The following PNPT1 variants were observed in gnomAD, a reference collection of about 807,000 sequenced individuals.
PNPT1 encodes the protein polyribonucleotide nucleotidyltransferase 1, mitochondrial.
PNPT1 carries 53 observed loss-of-function variants against 119.5 expected under a neutral mutation model. That is an observed-to-expected ratio of 0.44 (90% confidence interval 0.36 to 0.56). The LOEUF is 0.56. Among genes scored for constraint, PNPT1 ranks in the 20% least tolerant of loss-of-function variants. The pLI, the probability that PNPT1 is intolerant of heterozygous loss-of-function variation, is 0.00. For missense variants in PNPT1, 948 were observed against 938.5 expected (o/e 1.01, Z -0.13); for synonymous variants, 357 against 322.1 (o/e 1.11, Z -1.16).
chr2:55,686,287 C>T (rs542272588), intron 3 of PNPT1, 83 bp downstream of exon 3: 2 of 1,289,292 alleles, frequency 1.6e-6, no homozygotes, highest in East Asian at 2.4e-5. Flanking sequence ...ATTTTCCACT[C>T]ACTAGACACT....
At chr2:55,670,427 C>A (rs1048014569) in intron 11 of PNPT1, among the ~76,000 whole-genome samples, 1 of 152,014 alleles carries the variant, frequency 6.6e-6, no homozygotes, top group African/African-American at 2.4e-5. Context: ...ACCTCGTGAT[C>A]TGTCTGCCTC....
At chr2:55,662,382 TA>T (rs972043340) in intron 13 of PNPT1, among the ~76,000 whole-genome samples, 1 of 151,182 alleles carries the variant, frequency 6.6e-6, no homozygotes, top group African/African-American at 2.4e-5. Flanking sequence ...TGCTTAAAAT[TA>T]AAAAAAAATC....
At chr2:55,678,445 T>C (rs993007060) in intron 8 of PNPT1, among the ~76,000 whole-genome samples, 1 of 152,246 alleles carries the variant, frequency 6.6e-6, no homozygotes, top group Admixed American at 6.5e-5. Context: ...GAGGTGTAAA[T>C]AGAAACTACT....
intron 1 of PNPT1, among the ~76,000 whole-genome samples, chr2:55,691,008 C>T (rs767474254): frequency 2.0e-5 from 3 of 152,214 alleles, no homozygotes; most frequent in Non-Finnish European, 2.9e-5. Context: ...TAACATGCCA[C>T]CAGTACTTCT....
At chr2:55,670,972 A>T (rs201019838) in intron 11 of PNPT1, among the ~76,000 whole-genome samples, 1 of 1,802 alleles carries the variant, frequency 5.5e-4, no homozygotes, top group African/African-American at 0.02. Context: ...ACTAAAGTTA[A>T]AAAAAAAAAA....
intron 13 of PNPT1, among the ~76,000 whole-genome samples, chr2:55,666,192 G>A (rs1171225188): frequency 3.3e-5 from 5 of 152,198 alleles, no homozygotes; most frequent in African/African-American, 1.2e-4. Flanking sequence ...GTGGGGGGCA[G>A]GAAGAAGGCA....
chr2:55,649,490 C>T (rs1696106760), intron 18 of PNPT1, among the ~76,000 whole-genome samples: 1 of 152,078 alleles, frequency 6.6e-6, no homozygotes, highest in African/African-American at 2.4e-5. Flanking sequence ...TATTAAAATA[C>T]CTATTGTAAC....
chr2:55,682,733 C>G (rs1323630316), intron 5 of PNPT1, among the ~76,000 whole-genome samples: 3 of 151,876 alleles, frequency 2.0e-5, no homozygotes, highest in Non-Finnish European at 2.9e-5. Context: ...CATAGTGAAA[C>G]CCCCTCTCTA....
chr2:55,678,253 T>C (rs954556875), intron 8 of PNPT1, among the ~76,000 whole-genome samples: 3 of 152,188 alleles, frequency 2.0e-5, no homozygotes, highest in Non-Finnish European at 4.4e-5. Context: ...GGCTCCGAGA[T>C]GCTCAAACAT....
chr2:55,646,604 C>A (rs1696012621), intron 19 of PNPT1, 118 bp from the exon 20 acceptor site: 1 of 725,396 alleles, frequency 1.4e-6, no homozygotes, highest in East Asian at 2.8e-5. Flanking sequence ...AGTCCAAACA[C>A]AAAGCAATGT....
intron 5 of PNPT1, among the ~76,000 whole-genome samples, chr2:55,681,565 C>T (rs1427443823): frequency 6.6e-6 from 1 of 152,092 alleles, no homozygotes; most frequent in Admixed American, 6.6e-5. Context: ...ATTTTCTAGG[C>T]CAGGCATGGT....
chr2:55,663,211 C>G, intron 13 of PNPT1, among the ~76,000 whole-genome samples: 1 of 152,064 alleles, frequency 6.6e-6, no homozygotes, highest in Admixed American at 6.6e-5. Flanking sequence ...GCTATTATAA[C>G]TATACTCAAA....
intron 13 of PNPT1, among the ~76,000 whole-genome samples, chr2:55,665,290 G>C (rs988263953): frequency 6.6e-6 from 1 of 152,062 alleles, no homozygotes; most frequent in Non-Finnish European, 1.5e-5. Context: ...TCGACTAATG[G>C]TCTACATTCG....
intron 27 of PNPT1, among the ~76,000 whole-genome samples, chr2:55,636,930 C>A (rs1451799680): frequency 6.6e-6 from 1 of 152,178 alleles, no homozygotes; most frequent in African/African-American, 2.4e-5. Flanking sequence ...TACAGAGATA[C>A]TATATCTTAG....
chr2:55,688,923 CA>C (rs2104189087), intron 1 of PNPT1, among the ~76,000 whole-genome samples: 1 of 151,936 alleles, frequency 6.6e-6, no homozygotes, highest in Admixed American at 6.6e-5. Context: ...CAACTGGATG[CA>C]AAAAAGAATG....
chr2:55,646,001 T>C (rs1695990036), intron 21 of PNPT1, among the ~76,000 whole-genome samples: 1 of 152,092 alleles, frequency 6.6e-6, no homozygotes, highest in Admixed American at 6.6e-5. Flanking sequence ...CTAATTTTTG[T>C]ACTTTTAGTA....
chr2:55,648,022 G>C (rs188255094), intron 18 of PNPT1, among the ~76,000 whole-genome samples: 1 of 152,148 alleles, frequency 6.6e-6, no homozygotes, highest in Non-Finnish European at 1.5e-5. Flanking sequence ...TAAATTATCC[G>C]TTGGTTTGCT....
chr2:55,678,419 C>A (rs1376599178), intron 8 of PNPT1, among the ~76,000 whole-genome samples: 2 of 152,208 alleles, frequency 1.3e-5, no homozygotes, highest in East Asian at 3.8e-4. Context: ...AGTCATGTGC[C>A]ACAGTTCTGC....
intron 18 of PNPT1, among the ~76,000 whole-genome samples, chr2:55,652,870 G>C (rs1260242395): frequency 6.6e-6 from 1 of 152,044 alleles, no homozygotes; most frequent in African/African-American, 2.4e-5. Context: ...GTTTTCTTGA[G>C]ACAGAGTCAC....
Sources: gnomAD v4.1 joint callset for allele counts (sites outside exome capture counted in the v4.1 genomes callset) on GRCh38, gnomAD v4.1.1 for gene constraint, MANE v1.5 for transcripts, NCBI Gene and HGNC (gene_info 2026-07-23, HGNC 2026-07-21) for gene names.